Variants in AXL observed in about 807,000 individuals in gnomAD.
AXL encodes the protein AXL receptor tyrosine kinase, also known as tyrosine-protein kinase receptor UFO.
Under a neutral mutation model 104.5 loss-of-function variants are expected in AXL, and 52 were observed. The ratio of observed to expected loss-of-function variants is 0.50; its 90% CI spans 0.40 to 0.63. The LOEUF (loss-of-function observed/expected upper bound fraction) is 0.63. Among genes scored for constraint, AXL ranks in the 20% least tolerant of loss-of-function variants. The pLI is 0.00. For missense variants in AXL, 1,024 were observed against 1,188.5 expected (o/e 0.86, Z 2.04); for synonymous variants, 455 against 473.7 (o/e 0.96, Z 0.51).
At chr19:41,220,107 C>T (rs964086591) in intron 1 of AXL, among the ~76,000 whole-genome samples, 2 of 151,940 alleles carry the variant, frequency 1.3e-5, no homozygotes, top group Non-Finnish European at 2.9e-5. Context: ...GTGACTGTAT[C>T]CCCCCTCCGC....
chr19:41,236,346 A>AG, intron 6 of AXL, among the ~76,000 whole-genome samples: 1 of 150,430 alleles, frequency 6.6e-6, no homozygotes, highest in Admixed American at 6.7e-5. Context: ...AAAAAAAAAA[A>AG]AAAAAATTAG....
intron 6 of AXL, 75 bp from the exon 7 acceptor site, chr19:41,237,869 C>A: frequency 1.4e-6 from 2 of 1,409,464 alleles, no homozygotes; most frequent in Non-Finnish European, 2.0e-6. Flanking sequence ...CACCAGACCA[C>A]CACCACTGGG....
chr19:41,251,289 T>A (rs2034357136), intron 14 of AXL, among the ~76,000 whole-genome samples: 1 of 152,006 alleles, frequency 6.6e-6, no homozygotes. Flanking sequence ...TGGCTGGGCA[T>A]GGTGGCTCAC....
At chr19:41,220,247 C>T (rs116934870) in intron 1 of AXL, among the ~76,000 whole-genome samples, 9 of 104,178 alleles carry the variant, frequency 8.6e-5, no homozygotes, top group Non-Finnish European at 6.2e-5. Flanking sequence ...CTTATCTCCC[C>T]CCACCACCAC....
rs774572664 is a variant in AXL, at chr19:41,238,069, C to T, written c.909C>T (p.Thr303=). ...QLRLGSLHPH[T]PYHIRVACTS... is the part of the protein sequence containing the mutation. ...GGCTAGGCAGCCTCCATCCTCACAC[C>T]CCTTATCACATCCGCGTGGCATGCA... is the stretch of plus-strand genomic sequence containing the variant. Residue 303 remains threonine, a synonymous_variant, in exon 7 of 20, where the codon ACC becomes ACT. Transcript: ENST00000301178. The T allele has an allele frequency of 9.3e-6, 15 of 1,613,928 alleles. No homozygotes were observed. In the East Asian group the frequency reaches 2.7e-4, roughly 29 times the overall value.
chr19:41,249,983 A>C (rs546350227), intron 14 of AXL, among the ~76,000 whole-genome samples: 1 of 152,250 alleles, frequency 6.6e-6, no homozygotes, highest in Admixed American at 6.5e-5. Context: ...ACTGTGATAC[A>C]TAGTGGAGCA....
rs1428195118 is a variant in AXL, at chr19:41,260,126, T to G, written c.*222T>G. 2 of 507,906 alleles carry G rather than the reference T, an allele frequency of 3.9e-6. No homozygotes were observed. The highest frequency in any genetic ancestry group is 6.9e-6 in the Non-Finnish European group (2 of 290,228). The allele number at this position is 507,906 out of a possible 1,614,324, so 31.5% of individuals were successfully genotyped here. A position where few individuals can be genotyped will look rare whatever the true frequency, so the allele number is the denominator to read the frequency against. On this transcript the variant is annotated 3_prime_UTR_variant, in exon 20 of 20. Transcript: ENST00000301178. ...CATCTGTAAAAGGAAGGGGTTGGAT[T>G]GCAATATCTGAAGCCCTCCCAGGTG...
At chr19:41,235,222 A>G (rs980288792) in intron 6 of AXL, among the ~76,000 whole-genome samples, 1 of 152,040 alleles carries the variant, frequency 6.6e-6, no homozygotes, top group Non-Finnish European at 1.5e-5. Flanking sequence ...GTGGTGGTGC[A>G]TGCCTGTAAT....
intron 4 of AXL, among the ~76,000 whole-genome samples, chr19:41,223,472 T>C (rs1324332180): frequency 3.3e-5 from 5 of 152,042 alleles, no homozygotes; most frequent in Non-Finnish European, 7.4e-5. Flanking sequence ...TTCTCCCTAC[T>C]GAAGGAGGAA....
At chr19:41,245,432 C>G (rs947756109) in intron 12 of AXL, among the ~76,000 whole-genome samples, 1 of 152,146 alleles carries the variant, frequency 6.6e-6, no homozygotes, top group Non-Finnish European at 1.5e-5. Context: ...CCAGTCAAAT[C>G]TGTTCTTTCG....
intron 10 of AXL, among the ~76,000 whole-genome samples, chr19:41,240,083 G>GTGGA (rs1199703558): frequency 6.6e-6 from 1 of 151,440 alleles, no homozygotes; most frequent in Non-Finnish European, 1.5e-5. Context: ...AGATGGATGG[G>GTGGA]TGGATGGATG....
chr19:41,241,575 A>AG (rs1476314414), intron 10 of AXL, among the ~76,000 whole-genome samples: 2 of 151,390 alleles, frequency 1.3e-5, no homozygotes, highest in South Asian at 2.1e-4. Flanking sequence ...AAAGAAAGAA[A>AG]AAAAGAAAGA....
rs1346217159 is a variant in AXL at position 41,230,870 on chromosome 19, CT to C, written c.587-96del. 6 of 1,308,526 alleles carry C rather than the reference CT, an allele frequency of 4.6e-6. No individual in the cohort carries two copies. The African/African-American group carries it at 7.3e-5, about 16-fold the overall frequency. The allele number at this position is 1,308,526 out of a possible 1,614,324, so 81.1% of individuals were successfully genotyped here. ...AGTGCCTGTGTGGGCTGCACTGCCC[CT>C]GGTCAGGCAGGCCATGGTAGGAGTG... is the stretch of plus-strand genomic sequence containing the variant. On this transcript the variant is annotated intron_variant, in intron 4 of 19. Coordinates refer to ENST00000301178, the MANE Select transcript of AXL (RefSeq NM_021913.5).
Position 41,250,146 on chromosome 19 carries a change from C to T in AXL, c.1711+1326C>T, listed in dbSNP as rs142159534. On this transcript the variant is annotated intron_variant, in intron 14 of 19. Transcript: ENST00000301178. The stretch of plus-strand genomic sequence containing the variant: ...TCCAAAGCTGTTTTGAGGCAAAGCA[C>T]TTCATGCTGAGGGTGGCAAGTAGGA... Among the ~76,000 whole-genome samples the T allele has an allele frequency of 6.6e-5, 10 of 152,328 alleles. No individual in the cohort carries two copies. In the East Asian group the frequency reaches 1.2e-3, roughly 18 times the overall value.
chr19:41,257,505 G>T lies in AXL; in HGVS notation c.2209G>T (p.Val737Leu), dbSNP rs2034472764. The change falls in exon 19 of 20, where the codon GTG becomes TTG. Residue 737 changes from valine (V) to leucine (L), a missense_variant. Val to Leu is a conservative substitution (Grantham distance 32). This residue lies in a region of AXL where 523 missense variants were observed against 636.0 expected (regional missense o/e 0.82). Transcript: ENST00000301178. The stretch of plus-strand genomic sequence containing the variant: ...CTGCCCCTCACAGTGGTCCTTCGGG[G>T]TGACAATGTGGGAGATTGCCACAAG... Reference protein sequence around the residue: ...TSKSDVWSFGVTMWEIATRGQ... With the variant: ...TSKSDVWSFGLTMWEIATRGQ... 1 of 1,614,142 alleles carries T rather than the reference G, an allele frequency of 6.2e-7. No homozygotes were observed. The highest frequency in any genetic ancestry group is 1.3e-5 in the African/African-American group (1 of 75,030).
chr19:41,254,506 A>G (rs1419538517), intron 17 of AXL, among the ~76,000 whole-genome samples: 1 of 151,622 alleles, frequency 6.6e-6, no homozygotes, highest in Non-Finnish European at 1.5e-5. Context: ...GGTAACAACA[A>G]CGAGACACCA....
chr19:41,256,494 C>T lies in AXL; in HGVS notation c.2079C>T (p.Leu693=), dbSNP rs1334583708. 1 of 1,614,088 alleles carries T rather than the reference C, an allele frequency of 6.2e-7. No individual in the cohort carries two copies. The highest frequency in any genetic ancestry group is 1.7e-5 in the Admixed American group (1 of 60,022). ...NMSVCVADFG[L]SKKIYNGDYY... ...CCGTGTGTGTGGCGGACTTCGGGCTCTCCAAGAAGATCTACAATGGGGACT... is the reference window on the plus strand; with the variant it reads ...CCGTGTGTGTGGCGGACTTCGGGCTTTCCAAGAAGATCTACAATGGGGACT... Residue 693 remains leucine (L), a synonymous_variant, in exon 18 of 20, where the codon CTC becomes CTT. Coordinates refer to ENST00000301178, the MANE Select transcript of AXL (RefSeq NM_021913.5).
intron 14 of AXL, 36 bp downstream of exon 14, chr19:41,248,856 C>T (rs777998011): frequency 6.4e-7 from 1 of 1,553,962 alleles, no homozygotes; most frequent in Non-Finnish European, 8.7e-7. Flanking sequence ...CCCCCAGCTC[C>T]TTCCCTATGC....
chr19:41,234,135 T>C (rs554041592), intron 6 of AXL, among the ~76,000 whole-genome samples: 3 of 152,206 alleles, frequency 2.0e-5, no homozygotes, highest in Admixed American at 1.3e-4. Flanking sequence ...CCAGGTCTCA[T>C]GGTGGTGTCA....
Sources: allele counts gnomAD v4.1 joint callset (sites outside exome capture counted in the v4.1 genomes callset), GRCh38; gene constraint gnomAD v4.1.1; regional missense constraint gnomAD v4.1.1; transcripts MANE v1.5; gene names NCBI Gene and HGNC (gene_info 2026-07-23, HGNC 2026-07-21).